HAVCR1: variants seen among roughly 807,000 people sequenced by gnomAD.
The protein encoded by HAVCR1 is T cell immunoglobin domain and mucin domain protein 1.
A neutral mutation model predicts 32.0 loss-of-function variants in HAVCR1; 34 were observed. The observed-to-expected ratio is 1.06, with a 90% confidence interval of 0.81 to 1.42. HAVCR1 has a LOEUF of 1.42. HAVCR1 is among the 40% of genes most tolerant of loss of function. HAVCR1 has a pLI of 0.00. For synonymous variants in HAVCR1, 178 were observed against 170.3 expected (o/e 1.05, Z -0.35); for missense variants, 420 against 442.3 (o/e 0.95, Z 0.45).
At position 157,051,874 on chromosome 5, in the gene HAVCR1, T is replaced by C. The variant is rs115092903; in HGVS notation, c.673+487A>G. Among the ~76,000 whole-genome samples the C allele has an allele frequency of 2.4e-3, 367 of 152,348 alleles. 3 individuals are homozygous for C. Among genetic ancestry groups the C allele is most frequent in the African/African-American group, 7.9e-3 (328 of 41,584 alleles). On this transcript the variant is annotated intron_variant, in intron 4 of 8. Coordinates refer to ENST00000523175, the MANE Select transcript of HAVCR1 (RefSeq NM_001173393.3). ...GGATATAATTATCCTAAGAATTAAATGCATGAGGCATGGTGCCTGGTAGAT... is the reference window on the plus strand; with the variant it reads ...GGATATAATTATCCTAAGAATTAAACGCATGAGGCATGGTGCCTGGTAGAT...
the HAVCR1 span, among the ~76,000 whole-genome samples, chr5:157,065,879 A>G: frequency 1.3e-5 from 2 of 151,372 alleles, no homozygotes; most frequent in Non-Finnish European, 2.9e-5. Flanking sequence ...ATTAATTTTA[A>G]AAAAATTTGT....
chr5:157,062,792 A>T (rs1305632593), upstream of HAVCR1, among the ~76,000 whole-genome samples: 1 of 152,144 alleles, frequency 6.6e-6, no homozygotes, highest in Non-Finnish European at 1.5e-5. Context: ...CAAAGATATA[A>T]AAATTACAGG....
chr5:157,052,596 C>A lies in HAVCR1; in HGVS notation c.438G>T (p.Thr146=). Residue 146 remains threonine (T), a synonymous_variant, in exon 4 of 9, where the codon ACG becomes ACT. Transcript: ENST00000523175. ...TCGTTGTCGTTGGAACAGTGGTGCT[C>A]GTTCGAACAGTCGTGACGGTTGGAA... is the stretch of plus-strand genomic sequence containing the variant. The part of the protein sequence containing the change: ...TTVPTVTTVR[T]STTVPTTTTV... 1.2e-6 allele frequency: 2 copies of A among 1,612,054 alleles called. No homozygotes were observed.
At chr5:157,030,655 A>C (rs1754120683) in intron 8 of HAVCR1, among the ~76,000 whole-genome samples, 1 of 152,228 alleles carries the variant, frequency 6.6e-6, no homozygotes, top group African/African-American at 2.4e-5. Flanking sequence ...TCAAAAAAAG[A>C]AATCAGTAGA....
At chr5:157,060,444 C>T (rs992712804), upstream of HAVCR1, among the ~76,000 whole-genome samples, 1 of 152,138 alleles carries the variant, frequency 6.6e-6, no homozygotes, top group Admixed American at 6.5e-5. Context: ...CACTTTTTTC[C>T]TTTTCATTTT....
At chr5:157,051,336 C>T (rs951216066) in intron 4 of HAVCR1, among the ~76,000 whole-genome samples, 7 of 152,020 alleles carry the variant, frequency 4.6e-5, no homozygotes, top group Non-Finnish European at 8.8e-5. Flanking sequence ...ATGTGTAAGT[C>T]ATTGACTACC....
intron 5 of HAVCR1, among the ~76,000 whole-genome samples, chr5:157,048,543 C>CA (rs1285639746): frequency 6.6e-5 from 10 of 152,106 alleles, no homozygotes; most frequent in African/African-American, 2.2e-4. Context: ...TTACAAATGA[C>CA]AAAACAGCTG....
In HAVCR1 at chr5:157,029,491, G is replaced by A; in HGVS notation, c.*242C>T. 1 of 849,242 alleles carries A rather than the reference G, an allele frequency of 1.2e-6. No individual in the cohort carries two copies. Among genetic ancestry groups the A allele is most frequent in the Non-Finnish European group, 1.8e-6 (1 of 542,810 alleles). The allele number at this position is 849,242 out of a possible 1,614,324, so 52.6% of individuals were successfully genotyped here. On this transcript the variant is annotated 3_prime_UTR_variant, in exon 9 of 9. Coordinates refer to ENST00000523175, the MANE Select transcript of HAVCR1 (RefSeq NM_001173393.3). Reference sequence around the variant, plus strand: ...AAGTGTTCATATTTGAGAGAAAACTGCAATGATCAGAAGGATTGAGCCAGT... The same window carrying A: ...AAGTGTTCATATTTGAGAGAAAACTACAATGATCAGAAGGATTGAGCCAGT...
At chr5:157,038,769 TACAAC>T (rs1184799505) in intron 6 of HAVCR1, among the ~76,000 whole-genome samples, 1 of 152,114 alleles carries the variant, frequency 6.6e-6, no homozygotes, top group Non-Finnish European at 1.5e-5. Flanking sequence ...ATTTTTTAAT[TACAAC>T]ACACAAATAC....
intron 6 of HAVCR1, among the ~76,000 whole-genome samples, chr5:157,040,535 C>T (rs1374649686): frequency 6.6e-6 from 1 of 152,234 alleles, no homozygotes; most frequent in African/African-American, 2.4e-5. Context: ...CACTAAATAG[C>T]CCCACTTTGA....
chr5:157,039,116 T>C (rs1384888137), intron 6 of HAVCR1, among the ~76,000 whole-genome samples: 1 of 152,196 alleles, frequency 6.6e-6, no homozygotes, highest in Non-Finnish European at 1.5e-5. Context: ...TGAGACTCTG[T>C]CTCGAATAAA....
At chr5:157,049,614 T>C (rs1327689442) in intron 4 of HAVCR1, among the ~76,000 whole-genome samples, 1 of 152,200 alleles carries the variant, frequency 6.6e-6, no homozygotes, top group Non-Finnish European at 1.5e-5. Context: ...AACAGCCCCA[T>C]TCTGGGTTTC....
chr5:157,060,962 A>C (rs531524285), upstream of HAVCR1, among the ~76,000 whole-genome samples: 2 of 152,124 alleles, frequency 1.3e-5, no homozygotes, highest in South Asian at 4.2e-4. Context: ...CAGTGTCACA[A>C]TCTCAGCTCA....
chr5:157,064,683 A>G, the HAVCR1 span, among the ~76,000 whole-genome samples: 1 of 152,164 alleles, frequency 6.6e-6, no homozygotes, highest in Non-Finnish European at 1.5e-5. Flanking sequence ...CCTGGCCAAC[A>G]TGGCAAAACC....
At chr5:157,056,811 G>A (rs1450616560) in intron 2 of HAVCR1, among the ~76,000 whole-genome samples, 3 of 152,094 alleles carry the variant, frequency 2.0e-5, no homozygotes, top group Non-Finnish European at 2.9e-5. Flanking sequence ...AATCCCAAAG[G>A]CATATATCAC....
At chr5:157,030,325 T>C (rs1334395293) in intron 8 of HAVCR1, among the ~76,000 whole-genome samples, 1 of 152,204 alleles carries the variant, frequency 6.6e-6, no homozygotes, top group Non-Finnish European at 1.5e-5. Flanking sequence ...ACATTGAATA[T>C]AGTTAAATAG....
At chr5:157,051,620 TCCCGGC>T (rs373730229) in intron 4 of HAVCR1, among the ~76,000 whole-genome samples, 200 of 152,250 alleles carry the variant, frequency 1.3e-3, no homozygotes, top group African/African-American at 4.7e-3. Flanking sequence ...AGACTTGACC[TCCCGGC>T]CCCAAGCGAT....
chr5:157,035,979 A>T (rs1347258081), intron 7 of HAVCR1, among the ~76,000 whole-genome samples: 2 of 152,280 alleles, frequency 1.3e-5, no homozygotes, highest in Non-Finnish European at 1.5e-5. Context: ...AAGGGACTTG[A>T]GCATCTGCAG....
rs1211532535 is a variant in HAVCR1 at position 157,044,593 on chromosome 5, A to AAG, written c.782-1913_782-1912dup. On this transcript the variant is annotated intron_variant, in intron 5 of 8. Coordinates refer to ENST00000523175, the MANE Select transcript of HAVCR1 (RefSeq NM_001173393.3). ...AGAAAGACAAAGAAAGAAGGAAAGA[A>AAG]AGAAAGAAAGAAAGAAAGAAAGAGA... Among the ~76,000 whole-genome samples the AAG allele has an allele frequency of 1.7e-3, 111 of 64,228 alleles. 1 individual carries two copies. The highest frequency in any genetic ancestry group is 0.011 in the African/African-American group (105 of 9,284). The allele number at this position is 64,228 out of a possible 152,430, so 42.1% of individuals were successfully genotyped here.
Sources: allele counts gnomAD v4.1 joint callset (sites outside exome capture counted in the v4.1 genomes callset), GRCh38; gene constraint gnomAD v4.1.1; transcripts MANE v1.5; gene names NCBI Gene and HGNC (gene_info 2026-07-23, HGNC 2026-07-21).